The following CUX2 variants were observed in gnomAD, a reference collection of about 807,000 sequenced individuals.
CUX2 encodes homeobox protein cut-like 2.
Under a neutral mutation model 144.8 loss-of-function variants are expected in CUX2, and 40 were observed. The observed-to-expected ratio is 0.28, with a 90% CI of 0.21 to 0.36. The LOEUF (loss-of-function observed/expected upper bound fraction) is 0.36, where lower values mean the gene tolerates loss of function less well. Among genes scored for constraint, CUX2 ranks in the 10% least tolerant of loss-of-function variants. The pLI, the probability that CUX2 is intolerant of heterozygous loss-of-function variation, is 1.00. For missense variants in CUX2, 1,615 were observed against 1,994.0 expected (o/e 0.81, Z 3.62); for synonymous variants, 827 against 875.6 (o/e 0.94, Z 0.98).
chr12:111,211,316 C>G (rs1454837548), intron 1 of CUX2, among the ~76,000 whole-genome samples: 1 of 152,100 alleles, frequency 6.6e-6, no homozygotes, highest in African/African-American at 2.4e-5. Flanking sequence ...CTGGTGATAT[C>G]CCCCTGCCTT....
At chr12:111,334,186 T>C (rs1162138682) in intron 18 of CUX2, among the ~76,000 whole-genome samples, 1 of 143,372 alleles carries the variant, frequency 7.0e-6, no homozygotes, top group Non-Finnish European at 1.5e-5. Context: ...GACTCCGTCT[T>C]AAAAAAAAAA....
At chr12:111,221,542 A>G (rs1205328270) in intron 3 of CUX2, among the ~76,000 whole-genome samples, 1 of 152,162 alleles carries the variant, frequency 6.6e-6, no homozygotes, top group East Asian at 1.9e-4. Context: ...ATCCCAAGTC[A>G]CATAAACTAG....
chr12:111,103,436 A>G (rs1281079739), intron 1 of CUX2, among the ~76,000 whole-genome samples: 3 of 152,178 alleles, frequency 2.0e-5, no homozygotes, highest in Non-Finnish European at 2.9e-5. Context: ...AGACCAGGGA[A>G]TGGGTTAGAG....
At chr12:111,251,674 A>T (rs1883567136) in intron 3 of CUX2, among the ~76,000 whole-genome samples, 1 of 152,112 alleles carries the variant, frequency 6.6e-6, no homozygotes, top group Non-Finnish European at 1.5e-5. Flanking sequence ...TCTGTGCCTT[A>T]TTTTTACCCT....
At chr12:111,282,365 G>A (rs1273240029) in intron 4 of CUX2, among the ~76,000 whole-genome samples, 6 of 150,022 alleles carry the variant, frequency 4.0e-5, no homozygotes, top group East Asian at 4.0e-4. Flanking sequence ...CTTGGCTCAC[G>A]CCTGTAATCC....
intron 1 of CUX2, among the ~76,000 whole-genome samples, chr12:111,046,802 G>A (rs1382823399): frequency 2.0e-5 from 3 of 152,104 alleles, no homozygotes; most frequent in Non-Finnish European, 2.9e-5. Context: ...GATTACAAGC[G>A]TGTGCCACTA....
chr12:111,321,612 G>A (rs567759436), intron 17 of CUX2, among the ~76,000 whole-genome samples: 1 of 152,138 alleles, frequency 6.6e-6, no homozygotes, highest in East Asian at 1.9e-4. Flanking sequence ...AACCCAGGTG[G>A]TCGAGGCTAC....
At chr12:111,338,195 C>T (rs563408912) in intron 19 of CUX2, 91 bp from the exon 20 acceptor site, 20 of 1,363,184 alleles carry the variant, frequency 1.5e-5, no homozygotes, top group East Asian at 2.3e-5. Flanking sequence ...GAGGCTCTCC[C>T]CTGTGTCTCT....
In CUX2 at chr12:111,263,871, G is replaced by C. The variant is rs139424626; in HGVS notation, c.301+32G>C. 5.7e-6 allele frequency: 9 copies of C among 1,575,500 alleles called. No individual in the cohort carries two copies. The highest frequency in any genetic ancestry group is 7.9e-6 in the Non-Finnish European group (9 of 1,144,994). On this transcript the variant is annotated intron_variant, in intron 4 of 21. Transcript: ENST00000261726. The surrounding 1 kb of genome is among the most constrained non-coding windows in gnomAD (Gnocchi z 4.0). ...AATGCTTGGGCTCCGTAATTGAATA[G>C]TTAACGACAATAAATAGCCATTAGG...
At position 111,293,369 on chromosome 12, in the gene CUX2, C is replaced by G; in HGVS notation, c.437-77C>G. Reference sequence around the variant, plus strand: ...AAATTGATCACAATCAATGATCGATCCGGTTTACAGAAAGCGGCTCTGGCT... The same window carrying G: ...AAATTGATCACAATCAATGATCGATGCGGTTTACAGAAAGCGGCTCTGGCT... On this transcript the variant is annotated intron_variant, in intron 5 of 21. Transcript: ENST00000261726. The surrounding 1 kb of genome is among the most constrained non-coding windows in gnomAD (Gnocchi z 4.5). The G allele has an allele frequency of 1.3e-6, 2 of 1,511,508 alleles. No homozygotes were observed. Among genetic ancestry groups the G allele is most frequent in the South Asian group, 1.3e-5 (1 of 76,782 alleles). 93.6% of individuals were successfully genotyped at this position (1,511,508 alleles called of 1,614,324 possible).
chr12:111,333,773 C>T (rs1358212475), intron 18 of CUX2, among the ~76,000 whole-genome samples: 2 of 152,168 alleles, frequency 1.3e-5, no homozygotes, highest in African/African-American at 2.4e-5. Flanking sequence ...GCAGGAGAAT[C>T]GCTTGAACCC....
At chr12:111,217,087 AC>A (rs1445227479) in intron 2 of CUX2, among the ~76,000 whole-genome samples, 1 of 152,094 alleles carries the variant, frequency 6.6e-6, no homozygotes, top group African/African-American at 2.4e-5. Flanking sequence ...TTTCCCTCTT[AC>A]GTGCCGGGGA....
At chr12:111,135,435 G>A (rs1439776700) in intron 1 of CUX2, among the ~76,000 whole-genome samples, 4 of 152,190 alleles carry the variant, frequency 2.6e-5, no homozygotes, top group Admixed American at 2.6e-4. Flanking sequence ...TTCTCAGTAA[G>A]TTAAACATAG....
At position 111,330,716 on chromosome 12, in the gene CUX2, T is replaced by TATACATATAC. The variant is rs1555217593; in HGVS notation, c.2927-3722_2927-3721insCATATACATA. On this transcript the variant is annotated intron_variant, in intron 18 of 21. Coordinates refer to ENST00000261726, the MANE Select transcript of CUX2 (RefSeq NM_015267.4). ...ATATATATATATATATATATATATA[T>TATACATATAC]ATATATATATATATATATATATATA... 2.4e-4 allele frequency among the ~76,000 whole-genome samples: 9 copies of TATACATATAC among 36,960 alleles called. 1 individual carries two copies. In the East Asian group the frequency reaches 2.7e-3, roughly 11 times the overall value. 24.2% of individuals were successfully genotyped at this position (36,960 alleles called of 152,430 possible).
chr12:111,058,712 G>A (rs1052201037), intron 1 of CUX2, among the ~76,000 whole-genome samples: 1 of 152,092 alleles, frequency 6.6e-6, no homozygotes, highest in Non-Finnish European at 1.5e-5. Flanking sequence ...AGGGGGTCCC[G>A]AGCGAGACCC....
chr12:111,310,389 C>A lies in CUX2; in HGVS notation c.1607C>A (p.Ala536Glu), dbSNP rs528065402. ...GAGCCACTGGGCGGTCCTGAGCCCG[C>A]GGATGGTGGTGGGGGCGGAGCGGCG... ...GPEPLGGPEP[A>E]DGGGGGAAGP... is the part of the protein sequence containing the mutation. Residue 536 changes from alanine (A) to glutamate (E), a missense_variant, in exon 15 of 22, where the codon GCG becomes GAG. Coordinates refer to ENST00000261726, the MANE Select transcript of CUX2 (RefSeq NM_015267.4). This position sits in a 1 kb window ranked among gnomAD's most constrained non-coding sequence, Gnocchi z 7.9. 1 of 1,605,388 alleles carries A rather than the reference C, an allele frequency of 6.2e-7. No homozygotes were observed. The highest frequency in any genetic ancestry group is 1.7e-5 in the Admixed American group (1 of 59,662).
At chr12:111,282,208 G>C (rs566587423) in intron 4 of CUX2, among the ~76,000 whole-genome samples, 1 of 151,872 alleles carries the variant, frequency 6.6e-6, no homozygotes, top group Non-Finnish European at 1.5e-5. Context: ...TGTAGCCCCA[G>C]CTACTTGGGA....
At chr12:111,243,029 G>A (rs1310696145) in intron 3 of CUX2, among the ~76,000 whole-genome samples, 1 of 152,166 alleles carries the variant, frequency 6.6e-6, no homozygotes, top group Non-Finnish European at 1.5e-5. Context: ...CAAAGGATAT[G>A]AACTCATCCT....
At chr12:111,081,816 T>G (rs1871906171) in intron 1 of CUX2, among the ~76,000 whole-genome samples, 2 of 152,216 alleles carry the variant, frequency 1.3e-5, no homozygotes. Context: ...GACTTTTTAG[T>G]GTCTTCCACG....
Sources: gnomAD v4.1 joint callset for allele counts (sites outside exome capture counted in the v4.1 genomes callset) on GRCh38, gnomAD v4.1.1 for gene constraint, Gnocchi (gnomAD v3.1) non-coding constraint, MANE v1.5 for transcripts, NCBI Gene and HGNC (gene_info 2026-07-23, HGNC 2026-07-21) for gene names.